The following CCAR1 variants were observed in gnomAD, a reference collection of about 807,000 sequenced individuals.
The protein encoded by CCAR1 is cell division cycle and apoptosis regulator 1.
Under a neutral mutation model 163.8 loss-of-function variants are expected in CCAR1, and 78 were observed. The ratio of observed to expected loss-of-function variants is 0.48; its 90% CI spans 0.40 to 0.57. The LOEUF is 0.57. CCAR1 is among the 20% of genes least tolerant of loss of function. CCAR1 has a pLI of 0.00. For missense variants in CCAR1, 1,019 were observed against 1,365.2 expected (o/e 0.75, Z 4.00); for synonymous variants, 443 against 460.7 (o/e 0.96, Z 0.49).
chr10:68,737,091 A>G lies in CCAR1; in HGVS notation c.246+43A>G, dbSNP rs1028313968. The G allele has an allele frequency of 2.1e-6, 3 of 1,424,086 alleles. No homozygotes were observed. In the African/African-American group the frequency reaches 4.3e-5, roughly 20 times the overall value. 88.2% of individuals were successfully genotyped at this position (1,424,086 alleles called of 1,614,324 possible). ...CTTATTATTTGATGTAGAAAACTTT[A>G]TGAAATCTGAGTAGCTAGCATTGCT... On this transcript the variant is annotated intron_variant, in intron 3 of 24. Coordinates refer to ENST00000265872, the MANE Select transcript of CCAR1 (RefSeq NM_018237.4).
intron 19 of CCAR1, among the ~76,000 whole-genome samples, chr10:68,775,512 T>G (rs1289099683): frequency 6.8e-5 from 10 of 147,042 alleles, no homozygotes; most frequent in South Asian, 2.2e-4. Flanking sequence ...TTTTTTTTTT[T>G]TTGTTTTTTG....
intron 2 of CCAR1, among the ~76,000 whole-genome samples, chr10:68,729,272 T>C (rs1589152857): frequency 6.6e-6 from 1 of 151,026 alleles, no homozygotes; most frequent in East Asian, 1.9e-4. Flanking sequence ...TGGGTTTTTT[T>C]GGTTTTTTTT....
intron 6 of CCAR1, 107 bp from the exon 7 acceptor site, chr10:68,747,054 T>G: frequency 1.7e-6 from 1 of 597,728 alleles, no homozygotes; most frequent in South Asian, 2.8e-5. Flanking sequence ...TTTATTTTTT[T>G]TTGAGATATG....
At chr10:68,779,377 G>A (rs1202428211) in intron 19 of CCAR1, among the ~76,000 whole-genome samples, 1 of 151,672 alleles carries the variant, frequency 6.6e-6, no homozygotes, top group Non-Finnish European at 1.5e-5. Flanking sequence ...CGTGCCCTCA[G>A]CTTCCTAAGT....
At chr10:68,745,698 A>G (rs2056244154) in intron 6 of CCAR1, among the ~76,000 whole-genome samples, 1 of 151,128 alleles carries the variant, frequency 6.6e-6, no homozygotes, top group African/African-American at 2.4e-5. Context: ...CTCTGACCTC[A>G]GGTGATCCAC....
chr10:68,761,037 C>A lies in CCAR1; in HGVS notation c.1951C>A (p.Arg651=). 6.7e-7 allele frequency: 1 copy of A among 1,491,350 alleles called. No individual in the cohort carries two copies. The highest frequency in any genetic ancestry group is 9.0e-7 in the Non-Finnish European group (1 of 1,113,118). 92.4% of individuals were successfully genotyped at this position (1,491,350 alleles called of 1,614,324 possible). Residue 651 remains arginine, a synonymous_variant, in exon 16 of 25, where the codon CGA becomes AGA. Coordinates refer to ENST00000265872, the MANE Select transcript of CCAR1 (RefSeq NM_018237.4). ...TGACCTCCGAAAAGAATTAGAAAGT[C>A]GAGCTCTTAGTTCCAAAGGATTAAA... is the stretch of plus-strand genomic sequence containing the variant. ...VNDLRKELES[R]ALSSKGLKSQ... is the part of the protein sequence containing the mutation.
chr10:68,750,822 CAG>C (rs911771189), intron 10 of CCAR1, among the ~76,000 whole-genome samples: 1 of 152,078 alleles, frequency 6.6e-6, no homozygotes, highest in Non-Finnish European at 1.5e-5. Flanking sequence ...TATGTTTAAA[CAG>C]AGTGATAATT....
intron 6 of CCAR1, among the ~76,000 whole-genome samples, chr10:68,743,534 T>A (rs972966174): frequency 2.0e-5 from 3 of 151,788 alleles, no homozygotes; most frequent in African/African-American, 7.3e-5. Context: ...TTCTTTTTCT[T>A]TCCTACTTTC....
At chr10:68,779,159 G>T (rs2056704618) in intron 19 of CCAR1, among the ~76,000 whole-genome samples, 1 of 151,136 alleles carries the variant, frequency 6.6e-6, no homozygotes, top group Non-Finnish European at 1.5e-5. Context: ...ACACTTCTTA[G>T]AATACAAAAG....
Position 68,786,528 on chromosome 10 carries a change from A to C in CCAR1, c.2734-18A>C, listed in dbSNP as rs201730362. ...TTGAAATTTGAATACTATGTTTTCT[A>C]CTTCTCCATTTTCTTAGGAAAAAGA... is the stretch of plus-strand genomic sequence containing the variant. On this transcript the variant is annotated intron_variant, in intron 20 of 24. Coordinates refer to ENST00000265872, the MANE Select transcript of CCAR1 (RefSeq NM_018237.4). 7.8e-6 allele frequency: 12 copies of C among 1,541,730 alleles called. No individual in the cohort carries two copies. In the East Asian group the frequency reaches 2.5e-4, roughly 32 times the overall value.
intron 23 of CCAR1, among the ~76,000 whole-genome samples, chr10:68,789,200 C>T (rs1382149925): frequency 6.6e-6 from 1 of 152,028 alleles, no homozygotes; most frequent in South Asian, 2.1e-4. Flanking sequence ...TGAGCCACTG[C>T]GCCTGGCCTC....
At chr10:68,782,149 A>G (rs2056744270) in intron 19 of CCAR1, among the ~76,000 whole-genome samples, 2 of 152,196 alleles carry the variant, frequency 1.3e-5, no homozygotes, top group African/African-American at 4.8e-5. Flanking sequence ...ACATTCCCTT[A>G]AGGCAAAACC....
At chr10:68,754,923 G>A in intron 12 of CCAR1, 96 bp downstream of exon 12, 1 of 680,730 alleles carries the variant, frequency 1.5e-6, no homozygotes. Flanking sequence ...TTTAATATTT[G>A]TTGATTAATG....
At position 68,754,059 on chromosome 10, in the gene CCAR1, C is replaced by G. The variant is rs765428397; in HGVS notation, c.1326C>G (p.Asp442Glu). Residue 442 changes from aspartate (D) to glutamate (E), a missense_variant, in exon 11 of 25, where the codon GAC becomes GAG. Asp to Glu is a conservative substitution (Grantham distance 45). Around this residue, in one of 4 missense-constraint regions of CCAR1, gnomAD observed 644 missense variants for 904.4 expected, o/e 0.71. Coordinates refer to ENST00000265872, the MANE Select transcript of CCAR1 (RefSeq NM_018237.4). Reference sequence around the variant, plus strand: ...CCATTCTTGATCCACCAGATGCTGACCACTTATACAGTGCAAAGGTTTGTA... The same window carrying G: ...CCATTCTTGATCCACCAGATGCTGAGCACTTATACAGTGCAAAGGTTTGTA... The part of the protein sequence containing the change: ...NMAILDPPDA[D>E]HLYSAKVMLM... The G allele has an allele frequency of 6.8e-6, 11 of 1,611,978 alleles. No individual in the cohort carries two copies. Among genetic ancestry groups the G allele is most frequent in the Non-Finnish European group, 9.3e-6 (11 of 1,178,142 alleles).
At chr10:68,724,088 G>A (rs2055904053) in intron 2 of CCAR1, among the ~76,000 whole-genome samples, 2 of 151,304 alleles carry the variant, frequency 1.3e-5, no homozygotes, top group South Asian at 2.1e-4. Flanking sequence ...AACGTGGGAG[G>A]CAGAGGTTAC....
chr10:68,778,043 A>G (rs1589189598), intron 19 of CCAR1, among the ~76,000 whole-genome samples: 1 of 151,774 alleles, frequency 6.6e-6, no homozygotes. Flanking sequence ...ACATGGTGAA[A>G]CCCCTTCTGC....
intron 19 of CCAR1, among the ~76,000 whole-genome samples, chr10:68,775,979 G>A (rs1308562840): frequency 6.6e-6 from 1 of 151,724 alleles, no homozygotes; most frequent in East Asian, 2.0e-4. Flanking sequence ...ATAGACATGG[G>A]CCACTGCGCC....
intron 19 of CCAR1, among the ~76,000 whole-genome samples, chr10:68,781,337 G>GT (rs1425160149): frequency 6.6e-6 from 1 of 152,060 alleles, no homozygotes; most frequent in Admixed American, 6.6e-5. Flanking sequence ...GAGATCAGGA[G>GT]TTTGAGACCA....
chr10:68,745,041 T>C (rs1016732895), intron 6 of CCAR1, among the ~76,000 whole-genome samples: 44 of 152,100 alleles, frequency 2.9e-4, no homozygotes, highest in Admixed American at 2.3e-3. Flanking sequence ...GTTTCTCTCT[T>C]GTTGCCCAGG....
Sources: allele counts gnomAD v4.1 joint callset (sites outside exome capture counted in the v4.1 genomes callset), GRCh38; gene constraint gnomAD v4.1.1; regional missense constraint gnomAD v4.1.1; transcripts MANE v1.5; gene names NCBI Gene and HGNC (gene_info 2026-07-23, HGNC 2026-07-21).